The following GPRIN3 variants were observed in gnomAD, a reference collection of about 807,000 sequenced individuals.
GPRIN3 encodes the protein G protein-regulated inducer of neurite outgrowth 3.
In GPRIN3, 12 loss-of-function variants were observed where a neutral mutation model predicts 13.7. That is an observed-to-expected ratio of 0.87 (90% CI 0.56 to 1.42). GPRIN3 has a LOEUF of 1.42. Among genes scored for constraint, GPRIN3 ranks in the 40% most tolerant of loss-of-function variants. The pLI is 0.00. For missense variants in GPRIN3, 1,009 were observed against 958.7 expected (o/e 1.05, Z -0.69); for synonymous variants, 377 against 372.7 (o/e 1.01, Z -0.13).
At chr4:89,287,709 A>G (rs1232246203) in intron 1 of GPRIN3, among the ~76,000 whole-genome samples, 1 of 152,264 alleles carries the variant, frequency 6.6e-6, no homozygotes, top group Non-Finnish European at 1.5e-5. Flanking sequence ...ATTTAATTCC[A>G]GAAACTATTT....
rs200788380 is a variant in GPRIN3 at position 89,248,107 on chromosome 4, G to C, written c.2004C>G (p.Gly668=). The C allele has an allele frequency of 1.2e-5, 19 of 1,614,038 alleles. No homozygotes were observed. In the Admixed American group the frequency reaches 3.2e-4, roughly 27 times the overall value. ...LTPGDKKKQL[G]ADSKLQLKQS... The stretch of plus-strand genomic sequence containing the variant: ...GTTTCAGCTGGAGCTTGGAGTCTGC[G>C]CCAAGCTGCTTTTTCTTATCTCCTG... The change falls in exon 2 of 2, where the codon GGC becomes GGG. Residue 668 remains glycine (G), a synonymous_variant. Transcript: ENST00000609438.
chr4:89,306,754 C>G (rs1725044227), intron 1 of GPRIN3, among the ~76,000 whole-genome samples: 1 of 152,110 alleles, frequency 6.6e-6, no homozygotes, highest in Non-Finnish European at 1.5e-5. Flanking sequence ...TGCCTACACC[C>G]CAAGCGGTGA....
intron 1 of GPRIN3, among the ~76,000 whole-genome samples, chr4:89,270,184 A>C (rs1235872625): frequency 6.6e-6 from 1 of 152,116 alleles, no homozygotes; most frequent in Non-Finnish European, 1.5e-5. Context: ...GAGAAATAAA[A>C]ATATAAAGGC....
At position 89,256,460 on chromosome 4, in the gene GPRIN3, A is replaced by G. The variant is rs72872508; in HGVS notation, c.-123-6227T>C. On this transcript the variant is annotated intron_variant, in intron 1 of 1. Coordinates refer to ENST00000609438, the MANE Select transcript of GPRIN3 (RefSeq NM_198281.3). ...TTTTCATAACAGACACCTGCACTTA[A>G]TAAGAGAGGCAGCAGGGAATCTCAG... Among the ~76,000 whole-genome samples the G allele has an allele frequency of 4.9e-3, 745 of 152,294 alleles. 6 individuals are homozygous for G. Among genetic ancestry groups the G allele is most frequent in the South Asian group, 0.033 (157 of 4,826 alleles).
intron 1 of GPRIN3, among the ~76,000 whole-genome samples, chr4:89,277,519 C>T (rs190776232): frequency 6.6e-5 from 10 of 152,346 alleles, no homozygotes; most frequent in Admixed American, 3.9e-4. Context: ...GTGGACAATG[C>T]TGACCTTCAG....
At chr4:89,255,306 G>A (rs1723436870) in intron 1 of GPRIN3, among the ~76,000 whole-genome samples, 1 of 152,188 alleles carries the variant, frequency 6.6e-6, no homozygotes, top group Non-Finnish European at 1.5e-5. Flanking sequence ...GGGTTGTCAT[G>A]AGGAATAGAT....
chr4:89,304,575 T>C (rs1724985447), intron 1 of GPRIN3, among the ~76,000 whole-genome samples: 1 of 152,206 alleles, frequency 6.6e-6, no homozygotes, highest in South Asian at 2.1e-4. Context: ...TAATGATTAC[T>C]ATGGGATTAC....
At chr4:89,261,802 C>T (rs542836595) in intron 1 of GPRIN3, among the ~76,000 whole-genome samples, 13 of 152,182 alleles carry the variant, frequency 8.5e-5, no homozygotes, top group East Asian at 7.7e-4. Flanking sequence ...TACTCAGTAA[C>T]GAGGAAGCTC....
At chr4:89,254,756 T>G (rs1296823130) in intron 1 of GPRIN3, among the ~76,000 whole-genome samples, 1 of 152,202 alleles carries the variant, frequency 6.6e-6, no homozygotes, top group Non-Finnish European at 1.5e-5. Context: ...ATGGAATTGC[T>G]GGGTTGAATG....
intron 1 of GPRIN3, among the ~76,000 whole-genome samples, chr4:89,270,214 G>A (rs1342401930): frequency 6.6e-6 from 1 of 151,922 alleles, no homozygotes; most frequent in Non-Finnish European, 1.5e-5. Context: ...TCTAGTGGTG[G>A]TACAGCTTCT....
At chr4:89,265,741 CCTTCCTTTTCTCCTTT>C (rs1248774254) in intron 1 of GPRIN3, among the ~76,000 whole-genome samples, 1 of 152,194 alleles carries the variant, frequency 6.6e-6, no homozygotes, top group Non-Finnish European at 1.5e-5. Context: ...ACCCTTCCTT[CCTTCCTTTTCTCCTTT>C]CTTCCCTTGC....
rs1008049872 is a variant in GPRIN3, at chr4:89,237,783, G to C, written c.*9997C>G. The stretch of plus-strand genomic sequence containing the variant: ...CTTCACAAGAAACAAGAGGTATTTT[G>C]AGTTCACAATCAGTCCAGTGAAGCA... On this transcript the variant is annotated 3_prime_UTR_variant, in exon 2 of 2. Transcript: ENST00000609438. 2 of 152,170 alleles carry C rather than the reference G, an allele frequency of 1.3e-5. No individual in the cohort carries two copies. Among genetic ancestry groups the C allele is most frequent in the African/African-American group, 4.8e-5 (2 of 41,456 alleles). 9.4% of individuals were successfully genotyped at this position (152,170 alleles called of 1,614,324 possible).
Position 89,247,846 on chromosome 4 carries a change from G to A in GPRIN3, c.2265C>T (p.Ser755=), listed in dbSNP as rs1294968346. The part of the protein sequence containing the change: ...LRGRQHSVFQ[S]MLQNFRRPNC... ...TGGGGCGTCGGAAGTTCTGCAGCAT[G>A]GACTGGAAAACACTGTGCTGCCTTC... Residue 755 remains serine, a synonymous_variant, in exon 2 of 2, where the codon TCC becomes TCT. Transcript: ENST00000609438. The A allele has an allele frequency of 6.2e-7, 1 of 1,614,026 alleles. No individual in the cohort carries two copies. Among genetic ancestry groups the A allele is most frequent in the Non-Finnish European group, 8.5e-7 (1 of 1,180,010 alleles).
At chr4:89,270,590 TATATATATATAA>T (rs1453027957) in intron 1 of GPRIN3, among the ~76,000 whole-genome samples, 154 of 129,910 alleles carry the variant, frequency 1.2e-3, no homozygotes, top group African/African-American at 4.7e-3. Flanking sequence ...TATATATATA[TATATATATATAA>T]AATATAGATA....
rs981928673 is a variant in GPRIN3, at chr4:89,249,658, A to G, written c.453T>C (p.Pro151=). 4.3e-6 allele frequency: 7 copies of G among 1,614,174 alleles called. No homozygotes were observed. Among genetic ancestry groups the G allele is most frequent in the Non-Finnish European group, 5.9e-6 (7 of 1,180,024 alleles). ...DQPNAITSSM[P]EDSLMRSQRT... ...TCTGTGATCTCATCAGGGAATCTTCAGGCATGGATGAGGTGATGGCATTGG... is the reference window on the plus strand; with the variant it reads ...TCTGTGATCTCATCAGGGAATCTTCGGGCATGGATGAGGTGATGGCATTGG... The change falls in exon 2 of 2, where the codon CCT becomes CCC. Residue 151 remains proline (P), a synonymous_variant. Coordinates refer to ENST00000609438, the MANE Select transcript of GPRIN3 (RefSeq NM_198281.3).
In GPRIN3 at chr4:89,248,743, T is replaced by C. The variant is rs774311592; in HGVS notation, c.1368A>G (p.Ala456=). Residue 456 remains alanine (A), a synonymous_variant, in exon 2 of 2, where the codon GCA becomes GCG. Transcript: ENST00000609438. The part of the protein sequence containing the change: ...VREESTAKKL[A]GTNSSSLKAT... The stretch of plus-strand genomic sequence containing the variant: ...CTTTCAGGGAGCTAGAATTAGTACC[T>C]GCGAGCTTTTTAGCAGTTGACTCTT... 6.2e-7 allele frequency: 1 copy of C among 1,614,222 alleles called. No individual in the cohort carries two copies. The highest frequency in any genetic ancestry group is 1.1e-5 in the South Asian group (1 of 91,086).
At position 89,293,281 on chromosome 4, in the gene GPRIN3, GT is replaced by G. The variant is rs989876523; in HGVS notation, c.-124+14333del. 2.6e-5 allele frequency among the ~76,000 whole-genome samples: 4 copies of G among 152,296 alleles called. No homozygotes were observed. The East Asian group carries it at 5.8e-4, about 22-fold the overall frequency. On this transcript the variant is annotated intron_variant, in intron 1 of 1. Transcript: ENST00000609438. Reference sequence around the variant, plus strand: ...GGCTAGCATCCTCTATGGTGGTTTTGTACCACTGTCTTAGATCTGATGGAAA... The same window carrying G: ...GGCTAGCATCCTCTATGGTGGTTTTGACCACTGTCTTAGATCTGATGGAAA...
intron 1 of GPRIN3, among the ~76,000 whole-genome samples, chr4:89,283,903 G>A (rs1450150789): frequency 2.0e-5 from 3 of 152,178 alleles, no homozygotes; most frequent in African/African-American, 4.8e-5. Context: ...AAAACTGCGG[G>A]GGGCTTTGTA....
Position 89,248,974 on chromosome 4 carries a change from G to T in GPRIN3, c.1137C>A (p.Pro379=). 6.2e-7 allele frequency: 1 copy of T among 1,614,160 alleles called. No homozygotes were observed. Among genetic ancestry groups the T allele is most frequent in the Non-Finnish European group, 8.5e-7 (1 of 1,180,006 alleles). The part of the protein sequence containing the change: ...TLELSDSTLA[P]QESSQCPGIM... ...TGCCAGGGCACTGGCTGGACTCCTG[G>T]GGGGCTAGCGTGCTGTCAGAGAGCT... The change falls in exon 2 of 2, where the codon CCC becomes CCA. Residue 379 remains proline, a synonymous_variant. Transcript: ENST00000609438.
Sources: gnomAD v4.1 joint callset for allele counts (sites outside exome capture counted in the v4.1 genomes callset) on GRCh38, gnomAD v4.1.1 for gene constraint, MANE v1.5 for transcripts, NCBI Gene and HGNC (gene_info 2026-07-23, HGNC 2026-07-21) for gene names.